The following CNOT3 variants were observed in gnomAD, a reference collection of about 807,000 sequenced individuals.
CNOT3 encodes the protein CCR4-NOT transcription complex subunit 3, also known as CCR4-associated factor 3.
A neutral mutation model predicts 89.4 loss-of-function variants in CNOT3; 2 were observed. The observed-to-expected ratio is 0.02, with a 90% CI of 0.01 to 0.07. The LOEUF (loss-of-function observed/expected upper bound fraction) is 0.07. CNOT3 is among the 10% of genes least tolerant of loss of function. The pLI is 1.00. For synonymous variants in CNOT3, 486 were observed against 402.0 expected, an observed-to-expected ratio of 1.21 and a Z score of -2.50; for missense variants, 664 against 1,010.2, an observed-to-expected ratio of 0.66 and a Z score of 4.65.
intron 17 of CNOT3, chr19:54,154,343 C>A (rs534976594): frequency 2.4e-4 from 66 of 272,964 alleles, no homozygotes; most frequent in Middle Eastern, 2.7e-3. Flanking sequence ...CTGGAACCAA[C>A]CTACCTGGGT....
intron 12 of CNOT3, among the ~76,000 whole-genome samples, chr19:54,149,172 G>A (rs2074899766): frequency 6.6e-6 from 1 of 152,114 alleles, no homozygotes; most frequent in Non-Finnish European, 1.5e-5. Context: ...CCCGAAGAAT[G>A]CCCTAAGAAA....
chr19:54,141,793 G>A (rs1266488962), intron 1 of CNOT3: 1 of 152,156 alleles, frequency 6.6e-6, no homozygotes, highest in Non-Finnish European at 1.5e-5. Context: ...GGATCCCAGG[G>A]AACTGTGCTT....
intron 17 of CNOT3, chr19:54,155,103 C>G (rs1474466872): frequency 9.8e-6 from 6 of 609,462 alleles, no homozygotes; most frequent in South Asian, 8.4e-5. Context: ...CGGCCCCCTC[C>G]GTTTCCTCCT....
intron 5 of CNOT3, 57 bp from the exon 6 acceptor site, chr19:54,143,949 C>G (rs2074556701): frequency 6.3e-7 from 1 of 1,577,572 alleles, no homozygotes; most frequent in African/African-American, 1.4e-5. Context: ...TCTGCTGGCC[C>G]TTAGTCAGCT....
At chr19:54,147,970 G>A (rs963142992) in intron 10 of CNOT3, among the ~76,000 whole-genome samples, 178 bp from the exon 11 acceptor site, 1 of 152,136 alleles carries the variant, frequency 6.6e-6, no homozygotes, top group Non-Finnish European at 1.5e-5. Context: ...TAAGCATGAA[G>A]GTGATTGAAG....
chr19:54,140,441 GC>G (rs1284822223), intron 1 of CNOT3, among the ~76,000 whole-genome samples: 1 of 152,106 alleles, frequency 6.6e-6, no homozygotes, highest in Non-Finnish European at 1.5e-5. Context: ...CTTGGTGGAT[GC>G]CCCCCTGACT....
chr19:54,152,175 C>G, intron 13 of CNOT3, 51 bp from the exon 14 acceptor site: 1 of 1,595,356 alleles, frequency 6.3e-7, no homozygotes. Context: ...TCAGGCTGCA[C>G]TTGCTCCTGC....
rs587728800 is a variant in CNOT3 at position 54,144,471 on chromosome 19, G to A, written c.483+139G>A. ...GACAGGGCCAACAGCCGGGATTAGG[G>A]ATTTGAGAGACAGGATTGGGAGGGC... On this transcript the variant is annotated intron_variant, in intron 7 of 17. Coordinates refer to ENST00000221232, the MANE Select transcript of CNOT3 (RefSeq NM_014516.4). The surrounding 1 kb of genome is among the most constrained non-coding windows in gnomAD (Gnocchi z 4.8). 1.0e-3 allele frequency: 682 copies of A among 676,942 alleles called. 1 individual carries two copies. The highest frequency in any genetic ancestry group is 1.7e-3 in the Middle Eastern group (4 of 2,424). The allele number at this position is 676,942 out of a possible 1,614,324, so 41.9% of individuals were successfully genotyped here. A position where few individuals can be genotyped will look rare whatever the true frequency, so the allele number is the denominator to read the frequency against.
intron 16 of CNOT3, 107 bp downstream of exon 16, chr19:54,153,106 G>T: frequency 1.0e-6 from 1 of 978,558 alleles, no homozygotes; most frequent in Non-Finnish European, 1.6e-6. Flanking sequence ...TGCGGCCACT[G>T]GGACCGCACC....
intron 1 of CNOT3, chr19:54,141,721 T>C (rs2074456904): frequency 6.6e-6 from 1 of 152,218 alleles, no homozygotes; most frequent in Non-Finnish European, 1.5e-5. Context: ...TGTTTCTGTC[T>C]TTACAGTAAG....
intron 2 of CNOT3, 46 bp from the exon 3 acceptor site, chr19:54,143,073 C>G (rs371114719): frequency 5.6e-6 from 9 of 1,612,128 alleles, no homozygotes; most frequent in Non-Finnish European, 7.6e-6. Context: ...CTTTAGATAC[C>G]TGCCACCTGG....
At chr19:54,153,147 C>T (rs1413829276) in intron 16 of CNOT3, 148 bp downstream of exon 16, 2 of 770,910 alleles carry the variant, frequency 2.6e-6, no homozygotes, top group South Asian at 2.7e-5. Context: ...GGGCCCCTGC[C>T]CCAAATCCAC....
At position 54,146,613 on chromosome 19, in the gene CNOT3, G is replaced by A; in HGVS notation, c.850G>A (p.Asp284Asn). The change falls in exon 10 of 18, where the codon GAT (aspartate) becomes AAT (asparagine). Residue 284 changes from aspartate (D) to asparagine (N), a missense_variant. Around this residue, in one of 8 missense-constraint regions of CNOT3, gnomAD observed 545 missense variants for 566.2 expected, o/e 0.96. Transcript: ENST00000221232. ...TCCCCTACCTCAGGAAAACTCTGAA[G>A]ATGATAAGAAGAGGGGACGTTCCAC... ...PANCTTENSE[D>N]DKKRGRSTDS... 1 of 1,545,946 alleles carries A rather than the reference G, an allele frequency of 6.5e-7. No individual in the cohort carries two copies. The highest frequency in any genetic ancestry group is 8.9e-7 in the Non-Finnish European group (1 of 1,117,932).
Position 54,148,613 on chromosome 19 carries a change from T to A in CNOT3, c.1283-7T>A. On this transcript the variant is annotated splice_polypyrimidine_tract_variant and splice_region_variant and intron_variant, in intron 11 of 17. Transcript: ENST00000221232. The surrounding 1 kb of genome is among the most constrained non-coding windows in gnomAD (Gnocchi z 6.3). ...AGCAGCCCTTTCCATTTACTCTTTG[T>A]TCCCAGGTTACAGCTCAGTTGTGGC... The A allele has an allele frequency of 1.9e-6, 3 of 1,608,930 alleles. No individual in the cohort carries two copies. In the East Asian group the frequency reaches 6.7e-5, roughly 36 times the overall value.
rs1249339440 is a variant in CNOT3 at position 54,148,924 on chromosome 19, C to T, written c.1406+181C>T. Reference sequence around the variant, plus strand: ...CCACTTCTTTCCAGCAAGGAAACTACATCAGCCTCCCTGCTTTGCCCTTCA... The same window carrying T: ...CCACTTCTTTCCAGCAAGGAAACTATATCAGCCTCCCTGCTTTGCCCTTCA... On this transcript the variant is annotated intron_variant, in intron 12 of 17. Transcript: ENST00000221232. The surrounding 1 kb of genome is among the most constrained non-coding windows in gnomAD (Gnocchi z 6.3). Among the ~76,000 whole-genome samples, 1 of 152,234 alleles carries T rather than the reference C, an allele frequency of 6.6e-6. No homozygotes were observed. Among genetic ancestry groups the T allele is most frequent in the East Asian group, 1.9e-4 (1 of 5,200 alleles).
chr19:54,146,734 G>GCC, intron 10 of CNOT3, 77 bp downstream of exon 10: 1 of 831,564 alleles, frequency 1.2e-6, no homozygotes. Flanking sequence ...AGGCCTGAGC[G>GCC]CCGGCCACTG....
chr19:54,141,289 C>A (rs1375034791), intron 1 of CNOT3: 1 of 152,198 alleles, frequency 6.6e-6, no homozygotes, highest in African/African-American at 2.4e-5. Flanking sequence ...GGGGCTGCTG[C>A]GGCTTTCTTT....
intron 15 of CNOT3, 111 bp downstream of exon 15, chr19:54,152,737 C>G (rs587634121): frequency 2.0e-6 from 2 of 1,015,350 alleles, no homozygotes; most frequent in African/African-American, 1.6e-5. Context: ...CTTGGGCTCT[C>G]CACTGAAGGT....
intron 2 of CNOT3, 35 bp downstream of exon 2, chr19:54,143,038 C>T (rs2074516335): frequency 6.2e-7 from 1 of 1,613,792 alleles, no homozygotes; most frequent in Non-Finnish European, 8.5e-7. Context: ...CCTGTAGCCA[C>T]ATGCTCCCTC....
Sources: allele counts gnomAD v4.1 joint callset (sites outside exome capture counted in the v4.1 genomes callset), GRCh38; gene constraint gnomAD v4.1.1; regional missense constraint gnomAD v4.1.1; non-coding constraint Gnocchi (gnomAD v3.1); transcripts MANE v1.5; gene names NCBI Gene and HGNC (gene_info 2026-07-23, HGNC 2026-07-21).